ATF2: variants seen among roughly 807,000 people sequenced by gnomAD.
ATF2 encodes cyclic AMP-dependent transcription factor ATF-2.
In ATF2, 24 loss-of-function variants were observed where a neutral mutation model predicts 60.6. The ratio of observed to expected loss-of-function variants is 0.40; its 90% CI spans 0.29 to 0.56. ATF2 has a LOEUF of 0.56. Ranked by LOEUF, ATF2 falls within the 20% of genes least tolerant of loss-of-function variation. The probability of loss-of-function intolerance (pLI) is 0.54; values close to 1 mark genes in which losing one functional copy is unlikely to be tolerated. For synonymous variants in ATF2, 206 were observed against 215.4 expected (o/e 0.96, Z 0.38); for missense variants, 433 against 607.7 (o/e 0.71, Z 3.02).
At chr2:175,083,971 A>G (rs1433725683) in intron 12 of ATF2, among the ~76,000 whole-genome samples, 1 of 152,202 alleles carries the variant, frequency 6.6e-6, no homozygotes, top group Non-Finnish European at 1.5e-5. Flanking sequence ...TAGAATGGCA[A>G]TCATTAAAAA....
intron 12 of ATF2, among the ~76,000 whole-genome samples, chr2:175,091,271 T>G (rs191169220): frequency 6.6e-6 from 1 of 152,330 alleles, no homozygotes; most frequent in Non-Finnish European, 1.5e-5. Flanking sequence ...TATTACCACA[T>G]CTATTCTACA....
At chr2:175,129,750 T>A (rs1263528609) in intron 4 of ATF2, among the ~76,000 whole-genome samples, 1 of 152,046 alleles carries the variant, frequency 6.6e-6, no homozygotes, top group Non-Finnish European at 1.5e-5. Flanking sequence ...AAGAAGTAAA[T>A]ACCAGTTAAT....
intron 3 of ATF2, among the ~76,000 whole-genome samples, chr2:175,135,779 CAATT>C (rs1313543114): frequency 1.3e-5 from 2 of 152,126 alleles, no homozygotes. Context: ...TAAAAGTTCT[CAATT>C]AATTATCCCA....
At chr2:175,076,761 T>A (rs1466246934) in intron 13 of ATF2, among the ~76,000 whole-genome samples, 1 of 151,812 alleles carries the variant, frequency 6.6e-6, no homozygotes, top group Non-Finnish European at 1.5e-5. Context: ...TTTTTTTAAG[T>A]ATTTATATGT....
At chr2:175,167,331 A>T (rs1443416075) in intron 1 of ATF2, among the ~76,000 whole-genome samples, 1 of 152,042 alleles carries the variant, frequency 6.6e-6, no homozygotes, top group Non-Finnish European at 1.5e-5. Context: ...TAAAAAAAAA[A>T]AAATAAGGGA....
intron 4 of ATF2, among the ~76,000 whole-genome samples, chr2:175,129,865 T>C (rs943597606): frequency 2.6e-5 from 4 of 152,066 alleles, no homozygotes; most frequent in Non-Finnish European, 5.9e-5. Flanking sequence ...AAATTATACT[T>C]TTATATCTTG....
chr2:175,105,445 C>T (rs550891176), intron 10 of ATF2, among the ~76,000 whole-genome samples: 12 of 152,110 alleles, frequency 7.9e-5, no homozygotes, highest in African/African-American at 2.9e-4. Flanking sequence ...TTTTGACTCT[C>T]CTGATGGCTA....
intron 2 of ATF2, among the ~76,000 whole-genome samples, chr2:175,145,863 A>C (rs890433244): frequency 6.6e-6 from 1 of 152,058 alleles, no homozygotes; most frequent in African/African-American, 2.4e-5. Flanking sequence ...GTAAATAAAG[A>C]GGGTTCTATG....
intron 1 of ATF2, among the ~76,000 whole-genome samples, chr2:175,157,679 C>G (rs111443337): frequency 3.3e-5 from 5 of 152,222 alleles, no homozygotes; most frequent in Non-Finnish European, 7.4e-5. Flanking sequence ...ACACTAGACA[C>G]GACTTTATTC....
Position 175,073,657 on chromosome 2 carries a change from G to A in ATF2, c.*952C>T, listed in dbSNP as rs1693087193. The A allele has an allele frequency of 6.6e-6, 1 of 151,954 alleles. No individual in the cohort carries two copies. The highest frequency in any genetic ancestry group is 1.9e-4 in the East Asian group (1 of 5,192). 9.4% of individuals were successfully genotyped at this position (151,954 alleles called of 1,614,324 possible). ...AGTTAGCTCGCAAGTACAAGACAAT[G>A]GGGGTAAACAGTCTTAAATTTTCTA... On this transcript the variant is annotated 3_prime_UTR_variant, in exon 14 of 14. Transcript: ENST00000264110.
At chr2:175,143,937 G>T (rs561608632) in intron 2 of ATF2, among the ~76,000 whole-genome samples, 1 of 151,924 alleles carries the variant, frequency 6.6e-6, no homozygotes, top group Non-Finnish European at 1.5e-5. Flanking sequence ...GGAACCACAG[G>T]TGTATACCAC....
intron 11 of ATF2, among the ~76,000 whole-genome samples, chr2:175,094,509 G>A (rs1694785106): frequency 6.7e-6 from 1 of 149,148 alleles, no homozygotes; most frequent in Non-Finnish European, 1.5e-5. Flanking sequence ...CAAAGGAGAA[G>A]CCTGAAAACA....
chr2:175,083,177 C>T (rs1169274993), intron 12 of ATF2, among the ~76,000 whole-genome samples: 2 of 151,566 alleles, frequency 1.3e-5, no homozygotes, highest in African/African-American at 4.9e-5. Flanking sequence ...AAAAAAGAGC[C>T]TGCATCGCCA....
At chr2:175,104,513 A>G (rs937428407) in intron 10 of ATF2, among the ~76,000 whole-genome samples, 1 of 152,146 alleles carries the variant, frequency 6.6e-6, no homozygotes, top group Non-Finnish European at 1.5e-5. Flanking sequence ...AAAATCACTT[A>G]ATGTGTAACA....
At chr2:175,127,362 T>C (rs1356776190) in intron 4 of ATF2, 8 of 154,716 alleles carry the variant, frequency 5.2e-5, no homozygotes, top group African/African-American at 1.9e-4. Context: ...TTAGCTCTCT[T>C]AACTTTACAG....
Position 175,168,095 on chromosome 2 carries a change from C to A in ATF2, c.-188G>T, listed in dbSNP as rs1395926172. 2 of 177,878 alleles carry A rather than the reference C, an allele frequency of 1.1e-5. No homozygotes were observed. Among genetic ancestry groups the A allele is most frequent in the African/African-American group, 4.7e-5 (2 of 42,544 alleles). The allele number at this position is 177,878 out of a possible 1,614,324, so 11.0% of individuals were successfully genotyped here. A position where few individuals can be genotyped will look rare whatever the true frequency, so the allele number is the denominator to read the frequency against. ...TGATCCTTTCGGTCACCCGCGAGCC[C>A]TGAGCACAGCCGTGTTTACAAAGCA... On this transcript the variant is annotated 5_prime_UTR_variant, in exon 1 of 14. The change creates a new upstream start codon in the 5' untranslated region. Transcript: ENST00000264110.
rs763509730 is a variant in ATF2 at position 175,111,637 on chromosome 2, G to C, written c.759C>G (p.Thr253=). 27 of 1,613,596 alleles carry C rather than the reference G, an allele frequency of 1.7e-5. No homozygotes were observed. The Admixed American group carries it at 4.5e-4, about 27-fold the overall frequency. Residue 253 remains threonine (T), a synonymous_variant, in exon 10 of 14, where the codon ACC becomes ACG. Transcript: ENST00000264110. ...PAAVPLVRPV[T]MVPSVPGIPG... is the part of the protein sequence containing the mutation. ...GGATTCCTGGAACACTAGGCACCAT[G>C]GTGACTGGTCGAACGAGCTATGCAT...
intron 13 of ATF2, among the ~76,000 whole-genome samples, chr2:175,077,129 A>C (rs1024745002): frequency 6.6e-6 from 1 of 152,046 alleles, no homozygotes; most frequent in Admixed American, 6.6e-5. Flanking sequence ...ACATGAACTC[A>C]TCATTTTTTA....
In ATF2 at chr2:175,151,065, T is replaced by C. The variant is rs1164339660; in HGVS notation, c.-49A>G. The C allele has an allele frequency of 6.6e-6, 1 of 152,560 alleles. No homozygotes were observed. Among genetic ancestry groups the C allele is most frequent in the Admixed American group, 6.5e-5 (1 of 15,270 alleles). 9.5% of individuals were successfully genotyped at this position (152,560 alleles called of 1,614,324 possible). ...AAAAGCTTAAAATCTCTTACCTTTC[T>C]AGCTGGTGGGCCATGAGCTTTATTT... On this transcript the variant is annotated 5_prime_UTR_variant, in exon 2 of 14. Coordinates refer to ENST00000264110, the MANE Select transcript of ATF2 (RefSeq NM_001880.4).
Sources: gnomAD v4.1 joint callset for allele counts (sites outside exome capture counted in the v4.1 genomes callset) on GRCh38, gnomAD v4.1.1 for gene constraint, MANE v1.5 for transcripts, NCBI Gene and HGNC (gene_info 2026-07-23, HGNC 2026-07-21) for gene names.